PCLO: variants seen among roughly 807,000 people sequenced by gnomAD.
The protein encoded by PCLO is protein piccolo.
Under a neutral mutation model 427.5 loss-of-function variants are expected in PCLO, and 82 were observed. The ratio of observed to expected loss-of-function variants is 0.19; its 90% CI spans 0.16 to 0.23. The LOEUF (loss-of-function observed/expected upper bound fraction) is 0.23. Among genes scored for constraint, PCLO ranks in the 10% least tolerant of loss-of-function variants. The pLI is 1.00. For missense variants in PCLO, 6,239 were observed against 6,115.9 expected, an observed-to-expected ratio of 1.02 and a Z score of -0.67; for synonymous variants, 2,357 against 2,155.4, an observed-to-expected ratio of 1.09 and a Z score of -2.59.
chr7:83,033,537 C>T (rs1379966797), intron 3 of PCLO, among the ~76,000 whole-genome samples: 1 of 152,100 alleles, frequency 6.6e-6, no homozygotes, highest in Non-Finnish European at 1.5e-5. Flanking sequence ...CATCTAGATC[C>T]TACCTATCAT....
At chr7:82,864,983 A>G (rs1365383072) in intron 10 of PCLO, among the ~76,000 whole-genome samples, 1 of 152,164 alleles carries the variant, frequency 6.6e-6, no homozygotes, top group Non-Finnish European at 1.5e-5. Context: ...CAAACTGTCT[A>G]AGCACTCTAA....
intron 2 of PCLO, among the ~76,000 whole-genome samples, chr7:83,140,279 AC>A (rs1029318731): frequency 2.6e-5 from 4 of 152,152 alleles, no homozygotes; most frequent in Non-Finnish European, 5.9e-5. Context: ...TATTTCTCAA[AC>A]ACTTCACATT....
chr7:83,122,110 C>T (rs976933744), intron 3 of PCLO, among the ~76,000 whole-genome samples: 1 of 151,970 alleles, frequency 6.6e-6, no homozygotes, highest in African/African-American at 2.4e-5. Flanking sequence ...ATTCAAGATA[C>T]CTCATGACAA....
chr7:82,835,821 C>T, intron 15 of PCLO, 128 bp from the exon 16 acceptor site: 1 of 699,868 alleles, frequency 1.4e-6, no homozygotes, highest in Non-Finnish European at 2.5e-6. Flanking sequence ...TATCCCATAA[C>T]ATAAATGACA....
intron 3 of PCLO, among the ~76,000 whole-genome samples, chr7:83,024,241 G>C (rs1562925253): frequency 6.6e-6 from 1 of 152,144 alleles, no homozygotes; most frequent in Non-Finnish European, 1.5e-5. Context: ...CAAGTCAGTG[G>C]GTGCGCGCAC....
chr7:82,886,634 G>A (rs1793634251), intron 9 of PCLO, among the ~76,000 whole-genome samples: 1 of 152,096 alleles, frequency 6.6e-6, no homozygotes, highest in Non-Finnish European at 1.5e-5. Flanking sequence ...TTCGGTGAAG[G>A]AGGTATTCAA....
intron 3 of PCLO, among the ~76,000 whole-genome samples, chr7:83,079,892 G>C (rs1227413820): frequency 2.0e-5 from 3 of 151,310 alleles, no homozygotes; most frequent in African/African-American, 7.3e-5. Flanking sequence ...CCCCCCCACA[G>C]ACCCCAATGT....
At chr7:82,887,161 T>C (rs1342967449) in intron 9 of PCLO, among the ~76,000 whole-genome samples, 1 of 152,114 alleles carries the variant, frequency 6.6e-6, no homozygotes, top group East Asian at 1.9e-4. Flanking sequence ...GTACTATTCA[T>C]ACCATTTTTA....
intron 3 of PCLO, among the ~76,000 whole-genome samples, chr7:83,099,000 G>C (rs1790665609): frequency 6.6e-6 from 1 of 151,944 alleles, no homozygotes; most frequent in South Asian, 2.1e-4. Context: ...AAAAACACAA[G>C]ACATATCTGA....
chr7:82,786,751 C>A (rs1392157994), intron 22 of PCLO, among the ~76,000 whole-genome samples: 3 of 152,010 alleles, frequency 2.0e-5, no homozygotes, highest in Non-Finnish European at 2.9e-5. Flanking sequence ...GCTCCCCACC[C>A]CCCAACAGGC....
chr7:82,794,036 G>A lies in PCLO; in HGVS notation c.15007+7482C>T, dbSNP rs149552880. Among the ~76,000 whole-genome samples, 47 of 152,096 alleles carry A rather than the reference G, an allele frequency of 3.1e-4. 1 individual carries two copies. In the East Asian group the frequency reaches 9.1e-3, roughly 29 times the overall value. ...ATCCCTTCCATTTAAAATTTCAAAGGCATTAATTATTATCCTTTTCTTTTT... is the reference window on the plus strand; with the variant it reads ...ATCCCTTCCATTTAAAATTTCAAAGACATTAATTATTATCCTTTTCTTTTT... On this transcript the variant is annotated intron_variant, in intron 22 of 24. Coordinates refer to ENST00000333891, the MANE Select transcript of PCLO (RefSeq NM_033026.6).
At chr7:82,824,210 T>C in intron 19 of PCLO, 26 bp downstream of exon 19, 1 of 1,533,668 alleles carries the variant, frequency 6.5e-7, no homozygotes, top group Non-Finnish European at 8.8e-7. Context: ...CACAAAACTT[T>C]TTCTACTTAA....
chr7:82,953,077 C>T lies in PCLO; in HGVS notation c.7876G>A (p.Val2626Met). The stretch of plus-strand genomic sequence containing the variant: ...GAAATTGGAATTTCTACAGCTGTCA[C>T]AGGAGGAACTACAGAAAACACAGGT... ...VEPVFSVVPP[V>M]TAVEIPISSE... The change falls in exon 5 of 25, where the codon GTG becomes ATG. Residue 2626 changes from valine (V) to methionine (M), a missense_variant. Physicochemically the swap from Val to Met is conservative, Grantham distance 21. Around this residue, in one of 5 missense-constraint regions of PCLO, gnomAD observed 4,677 missense variants for 4,468.4 expected, o/e 1.05. Transcript: ENST00000333891. 1 of 1,613,932 alleles carries T rather than the reference C, an allele frequency of 6.2e-7. No homozygotes were observed. Among genetic ancestry groups the T allele is most frequent in the East Asian group, 2.2e-5 (1 of 44,878 alleles).
chr7:83,092,181 T>C (rs1206721894), intron 3 of PCLO, among the ~76,000 whole-genome samples: 4 of 152,192 alleles, frequency 2.6e-5, no homozygotes, highest in African/African-American at 7.2e-5. Flanking sequence ...GCCCATATAA[T>C]ATGATTTGTA....
chr7:82,914,028 T>C (rs916728244), intron 7 of PCLO, among the ~76,000 whole-genome samples: 9 of 152,108 alleles, frequency 5.9e-5, no homozygotes, highest in Admixed American at 2.6e-4. Flanking sequence ...TATTTAGTAC[T>C]AAACTTTCTA....
chr7:82,858,532 C>T (rs1005388023), intron 10 of PCLO, among the ~76,000 whole-genome samples: 6 of 151,964 alleles, frequency 3.9e-5, no homozygotes, highest in Admixed American at 6.6e-5. Context: ...GCAGATGACA[C>T]GATGTTATAT....
chr7:83,151,086 C>A (rs552267350), intron 2 of PCLO, among the ~76,000 whole-genome samples: 1 of 152,258 alleles, frequency 6.6e-6, no homozygotes, highest in South Asian at 2.1e-4. Context: ...CTTCTCAATT[C>A]TGACCTCCAT....
At chr7:83,032,579 T>G (rs1422079889) in intron 3 of PCLO, among the ~76,000 whole-genome samples, 1 of 151,988 alleles carries the variant, frequency 6.6e-6, no homozygotes, top group Non-Finnish European at 1.5e-5. Context: ...TGCCCTGAGC[T>G]CAGATATCTT....
intron 22 of PCLO, among the ~76,000 whole-genome samples, chr7:82,794,248 T>C (rs148370902): frequency 2.1e-3 from 326 of 152,068 alleles, no homozygotes; most frequent in African/African-American, 7.5e-3. Flanking sequence ...TGGAGATTTG[T>C]TTTCTTTAGT....
Sources: gnomAD v4.1 joint callset for allele counts (sites outside exome capture counted in the v4.1 genomes callset) on GRCh38, gnomAD v4.1.1 for gene constraint, gnomAD v4.1.1 regional missense constraint, MANE v1.5 for transcripts, NCBI Gene and HGNC (gene_info 2026-07-23, HGNC 2026-07-21) for gene names.